The following BANP variants were observed in gnomAD, a reference collection of about 807,000 sequenced individuals.
The protein encoded by BANP is protein BANP.
BANP carries 11 observed loss-of-function variants against 68.1 expected under a neutral mutation model. The ratio of observed to expected loss-of-function variants is 0.16; its 90% CI spans 0.10 to 0.27. The LOEUF (loss-of-function observed/expected upper bound fraction) is 0.27, where lower values mean the gene tolerates loss of function less well. Ranked by LOEUF, BANP falls within the 10% of genes least tolerant of loss-of-function variation. BANP has a pLI of 1.00. For synonymous variants in BANP, 329 were observed against 303.2 expected (o/e 1.09, Z -0.88); for missense variants, 504 against 722.7 (o/e 0.70, Z 3.47).
At chr16:87,983,158 A>G (rs2063616155) in intron 3 of BANP, among the ~76,000 whole-genome samples, 2 of 152,020 alleles carry the variant, frequency 1.3e-5, no homozygotes, top group Non-Finnish European at 2.9e-5. Flanking sequence ...ACGAAACACG[A>G]ATTCTGTGCT....
chr16:88,027,289 G>A (rs553499174), intron 7 of BANP, among the ~76,000 whole-genome samples, 194 bp from the exon 8 acceptor site: 1 of 152,036 alleles, frequency 6.6e-6, no homozygotes, highest in East Asian at 1.9e-4. Flanking sequence ...CTCGTGGGGA[G>A]CCCCGCCTGT....
intron 9 of BANP, chr16:88,035,055 A>G (rs2079017783): frequency 2.2e-6 from 1 of 450,068 alleles, no homozygotes; most frequent in Non-Finnish European, 4.1e-6. Context: ...AGCATAGCAT[A>G]TATGGGGTTC....
chr16:88,050,342 A>T (rs2152821176), intron 11 of BANP, among the ~76,000 whole-genome samples: 1 of 152,116 alleles, frequency 6.6e-6, no homozygotes, highest in South Asian at 2.1e-4. Flanking sequence ...TTTTTTGTAG[A>T]GACAGGATTT....
chr16:88,018,780 C>A lies in BANP; in HGVS notation c.895+113C>A, dbSNP rs1567768421. 10 of 1,355,770 alleles carry A rather than the reference C, an allele frequency of 7.4e-6. No homozygotes were observed. Among genetic ancestry groups the A allele is most frequent in the Non-Finnish European group, 8.9e-6 (9 of 1,010,926 alleles). 84.0% of individuals were successfully genotyped at this position (1,355,770 alleles called of 1,614,324 possible). A position where few individuals can be genotyped will look rare whatever the true frequency, so the allele number is the denominator to read the frequency against. ...AGCACCGGCACGGGGCTGCGTTTCT[C>A]CAGGCGGTTTGAAATCTCAGCCCGA... On this transcript the variant is annotated intron_variant, in intron 7 of 13. Transcript: ENST00000682872. The surrounding 1 kb of genome is among the most constrained non-coding windows in gnomAD (Gnocchi z 7.7).
chr16:88,071,969 G>C lies in BANP; in HGVS notation c.1378-100G>C. ...CCGTGTCCCTGCCGCTCAGGGGACAGCACGTGTGGGCTGGGGTCTGCGGTC... is the reference window on the plus strand; with the variant it reads ...CCGTGTCCCTGCCGCTCAGGGGACACCACGTGTGGGCTGGGGTCTGCGGTC... On this transcript the variant is annotated intron_variant, in intron 12 of 13. Transcript: ENST00000682872. This position sits in a 1 kb window ranked among gnomAD's most constrained non-coding sequence, Gnocchi z 6.5. 6.8e-7 allele frequency: 1 copy of C among 1,474,262 alleles called. No individual in the cohort carries two copies. The highest frequency in any genetic ancestry group is 1.2e-5 in the South Asian group (1 of 81,868). 91.3% of individuals were successfully genotyped at this position (1,474,262 alleles called of 1,614,324 possible).
At chr16:88,054,325 G>A (rs1482074296) in intron 11 of BANP, among the ~76,000 whole-genome samples, 1 of 115,078 alleles carries the variant, frequency 8.7e-6, no homozygotes, top group East Asian at 2.2e-4. Context: ...CTTCACCACT[G>A]TCATCTCCAT....
chr16:88,057,781 G>A lies in BANP; in HGVS notation c.1312-7486G>A, dbSNP rs1461641098. 4.0e-5 allele frequency among the ~76,000 whole-genome samples: 6 copies of A among 151,344 alleles called. No homozygotes were observed. The highest frequency in any genetic ancestry group is 7.4e-5 in the Non-Finnish European group (5 of 67,916). On this transcript the variant is annotated intron_variant, in intron 11 of 13. Coordinates refer to ENST00000682872, the MANE Select transcript of BANP (RefSeq NM_001386991.1). This position sits in a 1 kb window ranked among gnomAD's most constrained non-coding sequence, Gnocchi z 4.6. ...GGGGGGGGGGTGCGTGCAGTGACTC[G>A]CGCTGGCCCTGTCCCCGCACCCTGG...
At chr16:88,032,881 C>T (rs543346068) in intron 8 of BANP, among the ~76,000 whole-genome samples, 1 of 152,348 alleles carries the variant, frequency 6.6e-6, no homozygotes, top group South Asian at 2.1e-4. Flanking sequence ...AGCAGCATCA[C>T]GCCACTCTCA....
Position 88,003,566 on chromosome 16 carries a change from G to C in BANP, c.363-729G>C, listed in dbSNP as rs1393235231. On this transcript the variant is annotated intron_variant, in intron 4 of 13. Transcript: ENST00000682872. This position sits in a 1 kb window ranked among gnomAD's most constrained non-coding sequence, Gnocchi z 6.1. ...AAACGCATGATTGAAAACTGTGGGT[G>C]AGTCTGTACTTTGAGATGAAGCTGT... 1 of 456,138 alleles carries C rather than the reference G, an allele frequency of 2.2e-6. No homozygotes were observed. The highest frequency in any genetic ancestry group is 4.4e-6 in the Non-Finnish European group (1 of 226,870). 28.3% of individuals were successfully genotyped at this position (456,138 alleles called of 1,614,324 possible). A position where few individuals can be genotyped will look rare whatever the true frequency, so the allele number is the denominator to read the frequency against.
chr16:88,001,264 C>G (rs187672695), intron 4 of BANP, among the ~76,000 whole-genome samples: 1 of 102,772 alleles, frequency 9.7e-6, no homozygotes, highest in African/African-American at 4.5e-5. Flanking sequence ...ACTTACCTGT[C>G]CTTCCAGACA....
At chr16:87,964,475 C>T (rs576690752) in intron 1 of BANP, among the ~76,000 whole-genome samples, 43 of 152,298 alleles carry the variant, frequency 2.8e-4, no homozygotes, top group African/African-American at 9.1e-4. Flanking sequence ...TGGCCAGCTC[C>T]GTGGTAGGAC....
intron 6 of BANP, among the ~76,000 whole-genome samples, chr16:88,012,472 G>A (rs1373824772): frequency 6.6e-6 from 1 of 152,218 alleles, no homozygotes; most frequent in Non-Finnish European, 1.5e-5. Context: ...GTTGTGGAAC[G>A]TAACACCATG....
At chr16:88,067,462 G>A (rs112793236) in intron 12 of BANP, among the ~76,000 whole-genome samples, 1 of 152,104 alleles carries the variant, frequency 6.6e-6, no homozygotes, top group Non-Finnish European at 1.5e-5. Flanking sequence ...GCCCTGAGAC[G>A]GGACCCAGGG....
At chr16:88,025,081 C>G (rs1358163628) in intron 7 of BANP, among the ~76,000 whole-genome samples, 2 of 152,142 alleles carry the variant, frequency 1.3e-5, no homozygotes, top group African/African-American at 4.8e-5. Context: ...GAGGATGTTT[C>G]TTTTTATCGA....
chr16:88,043,150 C>T (rs1435696597), intron 11 of BANP, among the ~76,000 whole-genome samples: 4 of 152,188 alleles, frequency 2.6e-5, no homozygotes, highest in Admixed American at 6.5e-5. Flanking sequence ...TGCCCTCCGC[C>T]GCATCCTCAT....
intron 6 of BANP, among the ~76,000 whole-genome samples, chr16:88,014,334 C>A (rs976333678): frequency 6.6e-6 from 1 of 151,918 alleles, no homozygotes; most frequent in African/African-American, 2.4e-5. Flanking sequence ...ATGAGCTTAG[C>A]GGCTGCCCCG....
At chr16:87,955,952 G>A (rs1472345277) in intron 1 of BANP, among the ~76,000 whole-genome samples, 4 of 152,176 alleles carry the variant, frequency 2.6e-5, no homozygotes, top group Non-Finnish European at 5.9e-5. Context: ...ATTTCCTGCA[G>A]GCAGGTGGCC....
intron 3 of BANP, among the ~76,000 whole-genome samples, chr16:87,981,803 CT>C (rs2063329085): frequency 6.6e-6 from 1 of 152,216 alleles, no homozygotes; most frequent in African/African-American, 2.4e-5. Flanking sequence ...ATTTAAGTCA[CT>C]TAGATTCTAA....
rs2087956007 is a variant in BANP, at chr16:88,064,663, A to G, written c.1312-604A>G. Among the ~76,000 whole-genome samples, 1 of 152,218 alleles carries G rather than the reference A, an allele frequency of 6.6e-6. No homozygotes were observed. Among genetic ancestry groups the G allele is most frequent in the Admixed American group, 6.5e-5 (1 of 15,290 alleles). On this transcript the variant is annotated intron_variant, in intron 11 of 13. Coordinates refer to ENST00000682872, the MANE Select transcript of BANP (RefSeq NM_001386991.1). The surrounding 1 kb of genome is among the most constrained non-coding windows in gnomAD (Gnocchi z 4.5). Reference sequence around the variant, plus strand: ...TGGACATGCCTTCCTCCCTTAAAAAACAACAACGCTTTTGCCAGACACAAG... The same window carrying G: ...TGGACATGCCTTCCTCCCTTAAAAAGCAACAACGCTTTTGCCAGACACAAG...
Sources: gnomAD v4.1 joint callset for allele counts (sites outside exome capture counted in the v4.1 genomes callset) on GRCh38, gnomAD v4.1.1 for gene constraint, Gnocchi (gnomAD v3.1) non-coding constraint, MANE v1.5 for transcripts, NCBI Gene and HGNC (gene_info 2026-07-23, HGNC 2026-07-21) for gene names.